ADGRB3: variants seen among roughly 807,000 people sequenced by gnomAD.
The protein encoded by ADGRB3 is adhesion G protein-coupled receptor B3, also known as brain-specific angiogenesis inhibitor 3.
A neutral mutation model predicts 193.4 loss-of-function variants in ADGRB3; 37 were observed. The ratio of observed to expected loss-of-function variants is 0.19; its 90% CI spans 0.15 to 0.25. The LOEUF is 0.25. Ranked by LOEUF, ADGRB3 falls within the 10% of genes least tolerant of loss-of-function variation. The probability of loss-of-function intolerance (pLI) is 1.00; values close to 1 mark genes in which losing one functional copy is unlikely to be tolerated. For synonymous variants in ADGRB3, 690 were observed against 644.2 expected (o/e 1.07, Z -1.08); for missense variants, 1,637 against 1,852.9 (o/e 0.88, Z 2.14).
intron 26 of ADGRB3, among the ~76,000 whole-genome samples, chr6:69,345,869 C>T (rs1490345261): frequency 1.3e-5 from 2 of 152,130 alleles, no homozygotes; most frequent in Non-Finnish European, 2.9e-5. Context: ...CAGTCTCAGC[C>T]CCAAACCTTC....
intron 17 of ADGRB3, among the ~76,000 whole-genome samples, chr6:69,190,058 G>A (rs779485): frequency 0.52 from 78,659 of 151,906 alleles, 22,052 homozygotes; most frequent in African/African-American, 0.72. Context: ...AATTATGTAC[G>A]GTACATAATA....
intron 17 of ADGRB3, among the ~76,000 whole-genome samples, chr6:69,088,244 CAT>C (rs1772603628): frequency 6.6e-6 from 1 of 152,006 alleles, no homozygotes; most frequent in African/African-American, 2.4e-5. Flanking sequence ...TTTATTGACA[CAT>C]ATGTTATACA....
intron 20 of ADGRB3, among the ~76,000 whole-genome samples, chr6:69,293,471 G>A (rs761511833): frequency 9.9e-5 from 15 of 152,148 alleles, no homozygotes; most frequent in Non-Finnish European, 1.3e-4. Context: ...ACAACGTGGC[G>A]GGTGTTGACC....
chr6:69,233,062 G>A, intron 17 of ADGRB3: 1 of 574,648 alleles, frequency 1.7e-6, no homozygotes. Context: ...TCCGGCGCTG[G>A]ACAGCTCTCT....
chr6:68,662,794 T>C (rs958743433), intron 3 of ADGRB3, among the ~76,000 whole-genome samples: 6 of 151,576 alleles, frequency 4.0e-5, no homozygotes, highest in Admixed American at 2.0e-4. Context: ...AAATAGTATT[T>C]AGTGCCTTTC....
intron 20 of ADGRB3, among the ~76,000 whole-genome samples, chr6:69,269,189 G>C (rs150876529): frequency 6.6e-6 from 1 of 152,032 alleles, no homozygotes; most frequent in South Asian, 2.1e-4. Context: ...ACTAGTACAA[G>C]TCAGAATCAA....
intron 17 of ADGRB3, among the ~76,000 whole-genome samples, chr6:69,180,327 A>G (rs1022940480): frequency 6.6e-6 from 1 of 152,232 alleles, no homozygotes; most frequent in Non-Finnish European, 1.5e-5. Flanking sequence ...CATGGAGCAG[A>G]AAGGGCCTTC....
Position 68,930,540 on chromosome 6 carries a change from A to C in ADGRB3, c.758-19A>C. On this transcript the variant is annotated intron_variant, in intron 3 of 31. Coordinates refer to ENST00000370598, the MANE Select transcript of ADGRB3 (RefSeq NM_001704.3). ...AATGTCTACACACAAGCTTTCATAT[A>C]CCTTTATTCTGTCTTTAGAATTTGG... 2 of 1,548,846 alleles carry C rather than the reference A, an allele frequency of 1.3e-6. No individual in the cohort carries two copies. The highest frequency in any genetic ancestry group is 1.8e-6 in the Non-Finnish European group (2 of 1,126,806).
chr6:68,921,300 G>A (rs913639083), intron 3 of ADGRB3, among the ~76,000 whole-genome samples: 7 of 152,108 alleles, frequency 4.6e-5, no homozygotes, highest in Admixed American at 4.6e-4. Context: ...CTAAGGGGCT[G>A]AAAATAAAAT....
chr6:69,199,878 A>G lies in ADGRB3; in HGVS notation c.2481-33412A>G, dbSNP rs549046076. Among the ~76,000 whole-genome samples, 7 of 152,256 alleles carry G rather than the reference A, an allele frequency of 4.6e-5. 1 individual carries two copies. The South Asian group carries it at 1.5e-3, about 32-fold the overall frequency. On this transcript the variant is annotated intron_variant, in intron 17 of 31. Coordinates refer to ENST00000370598, the MANE Select transcript of ADGRB3 (RefSeq NM_001704.3). ...CAAGGTTTTTCTAGAATTAAAAGTG[A>G]TTATGTACATAAATATCCCTTAAAA...
At chr6:68,941,448 C>T (rs1362155376) in intron 5 of ADGRB3, among the ~76,000 whole-genome samples, 2 of 151,936 alleles carry the variant, frequency 1.3e-5, no homozygotes, top group Admixed American at 1.3e-4. Context: ...CTGAAGATTC[C>T]AGTTTCATAA....
At chr6:69,297,406 C>CTATATA (rs1289730081) in intron 20 of ADGRB3, among the ~76,000 whole-genome samples, 7 of 144,066 alleles carry the variant, frequency 4.9e-5, no homozygotes, top group South Asian at 2.2e-4. Context: ...CTCTCTCTCT[C>CTATATA]TCTCTATATA....
chr6:69,177,245 G>A (rs1469724089), intron 17 of ADGRB3, among the ~76,000 whole-genome samples: 2 of 152,008 alleles, frequency 1.3e-5, no homozygotes, highest in Non-Finnish European at 2.9e-5. Flanking sequence ...TTAACTTCTT[G>A]AGATAAGTGT....
At chr6:69,181,763 T>G (rs1775590882) in intron 17 of ADGRB3, among the ~76,000 whole-genome samples, 1 of 152,248 alleles carries the variant, frequency 6.6e-6, no homozygotes, top group Admixed American at 6.5e-5. Context: ...CATAAATATA[T>G]TCTCCTTTCT....
chr6:69,134,965 G>T (rs1046747742), intron 17 of ADGRB3, among the ~76,000 whole-genome samples: 7 of 151,786 alleles, frequency 4.6e-5, no homozygotes, highest in Admixed American at 3.3e-4. Flanking sequence ...GTCATTTGTG[G>T]TATAAAACAA....
intron 3 of ADGRB3, among the ~76,000 whole-genome samples, chr6:68,772,542 C>G (rs923392937): frequency 1.1e-4 from 16 of 151,938 alleles, no homozygotes; most frequent in Admixed American, 3.9e-4. Flanking sequence ...AAAGAACAAA[C>G]TTGCCAGTAA....
At chr6:68,836,438 C>A (rs1447254433) in intron 3 of ADGRB3, among the ~76,000 whole-genome samples, 1 of 152,046 alleles carries the variant, frequency 6.6e-6, no homozygotes, top group African/African-American at 2.4e-5. Flanking sequence ...GGAGAAAACT[C>A]CTTATTTCCT....
intron 17 of ADGRB3, among the ~76,000 whole-genome samples, chr6:69,106,029 G>A (rs191289950): frequency 1.3e-5 from 2 of 151,698 alleles, no homozygotes; most frequent in Non-Finnish European, 2.9e-5. Flanking sequence ...TGAGCTACTC[G>A]GGAGGCTGAG....
chr6:69,279,071 GTATATA>G (rs57824884), intron 20 of ADGRB3, among the ~76,000 whole-genome samples: 8,415 of 70,898 alleles, frequency 0.12, 659 homozygotes, highest in Admixed American at 0.17. Context: ...AAATACATAT[GTATATA>G]TATATATATA....
Sources: allele counts gnomAD v4.1 joint callset (sites outside exome capture counted in the v4.1 genomes callset), GRCh38; gene constraint gnomAD v4.1.1; transcripts MANE v1.5; gene names NCBI Gene and HGNC (gene_info 2026-07-23, HGNC 2026-07-21).